PLXNA4: variants seen among roughly 807,000 people sequenced by gnomAD.
PLXNA4 encodes plexin A4.
PLXNA4 carries 44 observed loss-of-function variants against 191.8 expected under a neutral mutation model. The ratio of observed to expected loss-of-function variants is 0.23; its 90% CI spans 0.18 to 0.29. The LOEUF is 0.29. PLXNA4 is among the 10% of genes least tolerant of loss of function. The pLI, the probability that PLXNA4 is intolerant of heterozygous loss-of-function variation, is 1.00. For missense variants in PLXNA4, 1,800 were observed against 2,488.8 expected (o/e 0.72, Z 5.89); for synonymous variants, 1,082 against 1,009.5 (o/e 1.07, Z -1.36).
intron 30 of PLXNA4, among the ~76,000 whole-genome samples, chr7:132,139,382 A>AT (rs761968470): frequency 1.3e-5 from 2 of 152,142 alleles, no homozygotes; most frequent in Non-Finnish European, 2.9e-5. Context: ...GATAAAGTTC[A>AT]TTTTGTCACC....
intron 4 of PLXNA4, among the ~76,000 whole-genome samples, chr7:132,280,535 T>TG (rs1800440025): frequency 6.6e-6 from 1 of 152,238 alleles, no homozygotes. Flanking sequence ...TCTGCCTGTC[T>TG]GGGGATTTCT....
chr7:132,216,908 C>G (rs947777364), intron 9 of PLXNA4, among the ~76,000 whole-genome samples: 2 of 152,202 alleles, frequency 1.3e-5, no homozygotes, highest in Non-Finnish European at 2.9e-5. Flanking sequence ...AAAGGGCCAG[C>G]TTTTGGAGGA....
At chr7:132,599,816 T>G (rs893100656) in intron 2 of PLXNA4, among the ~76,000 whole-genome samples, 2 of 152,158 alleles carry the variant, frequency 1.3e-5, no homozygotes, top group African/African-American at 4.8e-5. Flanking sequence ...TAATGTTTAC[T>G]TTTTCTTTTT....
chr7:132,139,081 T>C (rs1795193254), intron 30 of PLXNA4, among the ~76,000 whole-genome samples: 1 of 152,270 alleles, frequency 6.6e-6, no homozygotes, highest in Admixed American at 6.5e-5. Context: ...ACTGTCTACA[T>C]AGCAGGAGGT....
rs1794761279 is a variant in PLXNA4, at chr7:132,126,084, G to A, written c.*4395C>T. The A allele has an allele frequency of 6.6e-6, 1 of 152,298 alleles. No individual in the cohort carries two copies. Among genetic ancestry groups the A allele is most frequent in the African/African-American group, 2.4e-5 (1 of 41,406 alleles). The allele number at this position is 152,298 out of a possible 1,614,324, so 9.4% of individuals were successfully genotyped here. A position where few individuals can be genotyped will look rare whatever the true frequency, so the allele number is the denominator to read the frequency against. On this transcript the variant is annotated 3_prime_UTR_variant, in exon 32 of 32. Transcript: ENST00000321063. The stretch of plus-strand genomic sequence containing the variant: ...TGACTTCACATTACTGTGTCCCCTT[G>A]GTCCTGGGAAAGAAGACAGATGGAA...
intron 14 of PLXNA4, among the ~76,000 whole-genome samples, chr7:132,189,497 T>C (rs974393592): frequency 6.6e-6 from 1 of 152,012 alleles, no homozygotes; most frequent in Non-Finnish European, 1.5e-5. Context: ...TGGCATTTGG[T>C]TTTTGATGAA....
chr7:132,147,937 G>T lies in PLXNA4; in HGVS notation c.4827C>A (p.Asn1609Lys), dbSNP rs1463463113. The part of the protein sequence containing the change: ...SKQVTAYNAV[N>K]NSTVSRTSAS... The stretch of plus-strand genomic sequence containing the variant: ...CTGAGGTCCTGGAGACGGTGGAGTT[G>T]TTCACTGCGTTATAGGCTGTCACCT... Residue 1609 changes from asparagine to lysine, a missense_variant, in exon 27 of 32, where the codon AAC becomes AAA. Coordinates refer to ENST00000321063, the MANE Select transcript of PLXNA4 (RefSeq NM_020911.2). 1 of 1,614,120 alleles carries T rather than the reference G, an allele frequency of 6.2e-7. No individual in the cohort carries two copies. The highest frequency in any genetic ancestry group is 2.2e-5 in the East Asian group (1 of 44,874).
At chr7:132,564,462 G>C (rs1433629033) in intron 1 of PLXNA4, among the ~76,000 whole-genome samples, 14 of 151,620 alleles carry the variant, frequency 9.2e-5, no homozygotes, top group Admixed American at 9.2e-4. Flanking sequence ...TAACTGGATG[G>C]GTGCCCGTCT....
intron 4 of PLXNA4, among the ~76,000 whole-genome samples, chr7:132,278,623 G>A (rs571285372): frequency 1.3e-5 from 2 of 152,302 alleles, no homozygotes; most frequent in South Asian, 4.1e-4. Context: ...AAGGCCCTGG[G>A]ACAGAGACTT....
intron 24 of PLXNA4, among the ~76,000 whole-genome samples, chr7:132,162,104 A>G (rs1795968924): frequency 6.6e-6 from 1 of 152,240 alleles, no homozygotes; most frequent in Non-Finnish European, 1.5e-5. Context: ...TAGCAGGTCC[A>G]TAGCACTCTG....
chr7:132,165,262 C>A (rs1796088328), intron 22 of PLXNA4, 62 bp from the exon 23 acceptor site: 6 of 1,573,830 alleles, frequency 3.8e-6, no homozygotes, highest in Non-Finnish European at 5.2e-6. Context: ...CTGGTCAGAG[C>A]CCGTGGGCTG....
At chr7:132,195,034 A>G (rs1432823281) in intron 13 of PLXNA4, among the ~76,000 whole-genome samples, 1 of 152,116 alleles carries the variant, frequency 6.6e-6, no homozygotes, top group Admixed American at 6.5e-5. Flanking sequence ...CCCAATACAT[A>G]TATTTGCATA....
chr7:132,305,346 A>C (rs1320681072), intron 3 of PLXNA4, among the ~76,000 whole-genome samples: 1 of 148,684 alleles, frequency 6.7e-6, no homozygotes, highest in Non-Finnish European at 1.5e-5. Flanking sequence ...TCCACACTAC[A>C]TGCAGCTTAC....
intron 3 of PLXNA4, among the ~76,000 whole-genome samples, chr7:132,327,635 G>T (rs923047828): frequency 6.6e-6 from 1 of 152,142 alleles, no homozygotes; most frequent in African/African-American, 2.4e-5. Context: ...GCTATGCCCT[G>T]GGTTCTCGGA....
At chr7:132,281,982 G>A (rs942460804) in intron 4 of PLXNA4, among the ~76,000 whole-genome samples, 10 of 152,084 alleles carry the variant, frequency 6.6e-5, no homozygotes, top group Non-Finnish European at 1.5e-4. Flanking sequence ...TGTTGAAACT[G>A]ACTCAGCCAG....
chr7:132,539,920 G>A (rs910851249), intron 1 of PLXNA4, among the ~76,000 whole-genome samples: 1 of 152,174 alleles, frequency 6.6e-6, no homozygotes, highest in Non-Finnish European at 1.5e-5. Flanking sequence ...AGAGAACAGA[G>A]CAGTGTTAAC....
rs117045264 is a variant in PLXNA4 at position 132,300,846 on chromosome 7, C to T, written c.1372-2624G>A. On this transcript the variant is annotated intron_variant, in intron 3 of 31. Transcript: ENST00000321063. ...AGCAGGGTCCCCAGGGGAGTGCTGG[C>T]GGAACTAAGCTCCATCCAGTGCCCC... Among the ~76,000 whole-genome samples the T allele has an allele frequency of 2.6e-3, 392 of 152,312 alleles. 5 individuals are homozygous for T. In the East Asian group the frequency reaches 0.051, roughly 20 times the overall value.
intron 13 of PLXNA4, among the ~76,000 whole-genome samples, chr7:132,196,504 A>G (rs543264824): frequency 6.6e-6 from 1 of 152,384 alleles, no homozygotes; most frequent in Admixed American, 6.5e-5. Context: ...TGCTTATACA[A>G]TAATTTATTG....
intron 1 of PLXNA4, among the ~76,000 whole-genome samples, chr7:132,564,593 T>G (rs912792279): frequency 3.3e-5 from 5 of 152,160 alleles, no homozygotes; most frequent in African/African-American, 1.2e-4. Flanking sequence ...CTGACAGAAG[T>G]AGGTCTTTCA....
Sources: allele counts gnomAD v4.1 joint callset (sites outside exome capture counted in the v4.1 genomes callset), GRCh38; gene constraint gnomAD v4.1.1; transcripts MANE v1.5; gene names NCBI Gene and HGNC (gene_info 2026-07-23, HGNC 2026-07-21).